Variants in THEM4 observed in about 807,000 individuals in gnomAD.
THEM4 encodes thioesterase superfamily member 4.
Under a neutral mutation model 25.0 loss-of-function variants are expected in THEM4, and 22 were observed. The observed-to-expected ratio is 0.88, with a 90% confidence interval of 0.63 to 1.26. The LOEUF (loss-of-function observed/expected upper bound fraction) is 1.26, where lower values mean the gene tolerates loss of function less well. Ranked by LOEUF, THEM4 falls within the 50% of genes most tolerant of loss-of-function variation. The pLI, the probability that THEM4 is intolerant of heterozygous loss-of-function variation, is 0.00. For missense variants in THEM4, 286 were observed against 300.3 expected, an observed-to-expected ratio of 0.95 and a Z score of 0.35; for synonymous variants, 113 against 105.6, an observed-to-expected ratio of 1.07 and a Z score of -0.43.
chr1:151,893,137 A>G (rs1396968827), intron 2 of THEM4, among the ~76,000 whole-genome samples: 1 of 152,064 alleles, frequency 6.6e-6, no homozygotes, highest in African/African-American at 2.4e-5. Context: ...TTGGGAGGCC[A>G]AGGTGGGGCA....
chr1:151,893,395 A>C (rs1252294627), intron 2 of THEM4, among the ~76,000 whole-genome samples: 5 of 136,206 alleles, frequency 3.7e-5, no homozygotes, highest in African/African-American at 1.1e-4. Context: ...AAAAAAACAA[A>C]AAAACAACAA....
At chr1:151,881,995 C>A (rs912339702) in intron 4 of THEM4, among the ~76,000 whole-genome samples, 7 of 152,058 alleles carry the variant, frequency 4.6e-5, no homozygotes, top group African/African-American at 1.7e-4. Context: ...TCTATATTTC[C>A]CATTTCCTTT....
chr1:151,900,131 A>C (rs1654320441), intron 1 of THEM4, among the ~76,000 whole-genome samples: 1 of 152,206 alleles, frequency 6.6e-6, no homozygotes, highest in African/African-American at 2.4e-5. Context: ...TTATCAAGCC[A>C]CCATTACAAG....
chr1:151,884,730 C>T (rs139865041), intron 4 of THEM4, among the ~76,000 whole-genome samples: 1,535 of 151,118 alleles, frequency 0.01, 30 homozygotes, highest in African/African-American at 0.036. Context: ...ACTCTGTCGC[C>T]CAGGCTGGGG....
chr1:151,871,325 GAAAAA>G lies in THEM4; in HGVS notation c.*3558_*3562del, dbSNP rs11304399. 3.2e-5 allele frequency among the ~76,000 whole-genome samples: 4 copies of G among 123,712 alleles called. No homozygotes were observed. Among genetic ancestry groups the G allele is most frequent in the Admixed American group, 8.5e-5 (1 of 11,790 alleles). The allele number at this position is 123,712 out of a possible 152,430, so 81.2% of individuals were successfully genotyped here. A position where few individuals can be genotyped will look rare whatever the true frequency, so the allele number is the denominator to read the frequency against. ...AGGCGACAGAGCCAGACCCTGTCTTGAAAAAAAAAAAAAAAAAAGAAAAAGAAAAA... is the reference window on the plus strand; with the variant it reads ...AGGCGACAGAGCCAGACCCTGTCTTGAAAAAAAAAAAAAGAAAAAGAAAAA... On this transcript the variant is annotated 3_prime_UTR_variant, in exon 6 of 6. Coordinates refer to ENST00000368814, the MANE Select transcript of THEM4 (RefSeq NM_053055.5).
chr1:151,909,160 C>T (rs1654541520), intron 1 of THEM4, among the ~76,000 whole-genome samples, 200 bp downstream of exon 1: 1 of 152,240 alleles, frequency 6.6e-6, no homozygotes, highest in Non-Finnish European at 1.5e-5. Context: ...ACGGGGTCAC[C>T]TTTCCATCCC....
intron 1 of THEM4, among the ~76,000 whole-genome samples, chr1:151,895,800 G>A (rs1481845752): frequency 3.3e-5 from 5 of 152,096 alleles, no homozygotes; most frequent in African/African-American, 1.2e-4. Flanking sequence ...GGATCATGGG[G>A]GTGAATTTCT....
In THEM4 at chr1:151,881,271, G is replaced by A. The variant is rs1295592497; in HGVS notation, c.558-4146C>T. On this transcript the variant is annotated intron_variant, in intron 4 of 5. Coordinates refer to ENST00000368814, the MANE Select transcript of THEM4 (RefSeq NM_053055.5). ...CAACCTTGAACTCTTGGGCTCTAGCGATCTTCTTGCATCAACCTCCCAAGT... is the reference window on the plus strand; with the variant it reads ...CAACCTTGAACTCTTGGGCTCTAGCAATCTTCTTGCATCAACCTCCCAAGT... Among the ~76,000 whole-genome samples, 6 of 152,260 alleles carry A rather than the reference G, an allele frequency of 3.9e-5. No homozygotes were observed. The East Asian group carries it at 1.2e-3, about 29-fold the overall frequency.
Position 151,873,021 on chromosome 1 carries a change from G to A in THEM4, c.*1867C>T, listed in dbSNP as rs1653588860. Among the ~76,000 whole-genome samples the A allele has an allele frequency of 6.6e-6, 1 of 152,164 alleles. No homozygotes were observed. Among genetic ancestry groups the A allele is most frequent in the South Asian group, 2.1e-4 (1 of 4,834 alleles). The stretch of plus-strand genomic sequence containing the variant: ...TCCTGCATGCCCCTGGGAACAGCAT[G>A]TCTTGGTGTAAAACCCGATCCTATG... On this transcript the variant is annotated 3_prime_UTR_variant, in exon 6 of 6. Coordinates refer to ENST00000368814, the MANE Select transcript of THEM4 (RefSeq NM_053055.5).
rs143100282 is a variant in THEM4, at chr1:151,872,854, C to A, written c.*2034G>T. ...CTGGGTATTGTCCAAGGTTTCCCCCCACTGAGACAGCCTGAGATATGGCCT... is the reference window on the plus strand; with the variant it reads ...CTGGGTATTGTCCAAGGTTTCCCCCAACTGAGACAGCCTGAGATATGGCCT... On this transcript the variant is annotated 3_prime_UTR_variant, in exon 6 of 6. Coordinates refer to ENST00000368814, the MANE Select transcript of THEM4 (RefSeq NM_053055.5). Among the ~76,000 whole-genome samples, 443 of 152,286 alleles carry A rather than the reference C, an allele frequency of 2.9e-3. No individual in the cohort carries two copies. The highest frequency in any genetic ancestry group is 1.0e-2 in the African/African-American group (414 of 41,552).
intron 4 of THEM4, among the ~76,000 whole-genome samples, chr1:151,884,387 A>G (rs950418995): frequency 1.3e-5 from 2 of 152,206 alleles, no homozygotes; most frequent in Non-Finnish European, 2.9e-5. Context: ...AAGAATTCAC[A>G]TTTACCCCTC....
intron 1 of THEM4, among the ~76,000 whole-genome samples, chr1:151,902,117 A>G (rs1280617876): frequency 6.6e-6 from 1 of 152,222 alleles, no homozygotes; most frequent in East Asian, 1.9e-4. Context: ...TAATAAAAAA[A>G]CTCAAAAAAC....
At chr1:151,902,111 A>T (rs1439359419) in intron 1 of THEM4, among the ~76,000 whole-genome samples, 1 of 152,218 alleles carries the variant, frequency 6.6e-6, no homozygotes, top group East Asian at 1.9e-4. Context: ...TTGCCATAAT[A>T]AAAAAACTCA....
chr1:151,908,966 A>G (rs1254292957), intron 1 of THEM4, among the ~76,000 whole-genome samples: 3 of 152,206 alleles, frequency 2.0e-5, no homozygotes, highest in Non-Finnish European at 1.5e-5. Flanking sequence ...TGGATCAAAT[A>G]TTTTTTTAAA....
chr1:151,899,508 A>T (rs920381135), intron 1 of THEM4, among the ~76,000 whole-genome samples: 1 of 152,074 alleles, frequency 6.6e-6, no homozygotes, highest in Non-Finnish European at 1.5e-5. Context: ...AGAAGGGAGA[A>T]ATATTCAAGG....
chr1:151,902,544 A>C (rs1654374129), intron 1 of THEM4, among the ~76,000 whole-genome samples: 1 of 152,242 alleles, frequency 6.6e-6, no homozygotes, highest in African/African-American at 2.4e-5. Context: ...AATATGGTGC[A>C]GTGTATAATG....
At chr1:151,897,925 A>G (rs1654260860) in intron 1 of THEM4, among the ~76,000 whole-genome samples, 2 of 152,322 alleles carry the variant, frequency 1.3e-5, no homozygotes, top group South Asian at 4.1e-4. Context: ...GGGAAGCAGC[A>G]GAAAGGCCCT....
At chr1:151,876,775 G>T (rs1162458271) in intron 5 of THEM4, among the ~76,000 whole-genome samples, 2 of 151,992 alleles carry the variant, frequency 1.3e-5, no homozygotes, top group Non-Finnish European at 2.9e-5. Flanking sequence ...TTGGCAACTT[G>T]CCCTTTACTA....
chr1:151,888,062 G>A (rs1654009921), intron 4 of THEM4, among the ~76,000 whole-genome samples: 1 of 152,136 alleles, frequency 6.6e-6, no homozygotes, highest in Non-Finnish European at 1.5e-5. Context: ...GTATGATCTG[G>A]CTAAAGCTAT....
Sources: gnomAD v4.1 joint callset for allele counts (sites outside exome capture counted in the v4.1 genomes callset) on GRCh38, gnomAD v4.1.1 for gene constraint, MANE v1.5 for transcripts, NCBI Gene and HGNC (gene_info 2026-07-23, HGNC 2026-07-21) for gene names.